STPG4: variants seen among roughly 807,000 people sequenced by gnomAD.
The protein encoded by STPG4 is sperm-tail PG-rich repeat containing 4.
Under a neutral mutation model 31.5 loss-of-function variants are expected in STPG4, and 41 were observed. The ratio of observed to expected loss-of-function variants is 1.30; its 90% CI spans 1.01 to 1.69. The LOEUF is 1.69. STPG4 is among the 40% of genes most tolerant of loss of function. The pLI is 0.00. For synonymous variants in STPG4, 141 were observed against 103.0 expected (o/e 1.37, Z -2.24); for missense variants, 375 against 293.4 (o/e 1.28, Z -2.03).
chr2:47,113,574 C>T (rs1338522997), intron 5 of STPG4, among the ~76,000 whole-genome samples: 1 of 152,068 alleles, frequency 6.6e-6, no homozygotes, highest in Admixed American at 6.6e-5. Flanking sequence ...ATTAAAAGAA[C>T]ATTTTTAAAC....
chr2:47,098,837 T>C (rs925250752), intron 5 of STPG4, among the ~76,000 whole-genome samples: 29 of 151,534 alleles, frequency 1.9e-4, no homozygotes, highest in African/African-American at 6.6e-4. Flanking sequence ...CAGCCACCTC[T>C]CTGGGCACTC....
At chr2:47,131,967 C>T (rs1686492439) in intron 3 of STPG4, among the ~76,000 whole-genome samples, 2 of 152,088 alleles carry the variant, frequency 1.3e-5, no homozygotes, top group Non-Finnish European at 2.9e-5. Flanking sequence ...AAGTTCAAGA[C>T]CAGCCTGACC....
At chr2:47,110,306 A>G (rs1324386323) in intron 5 of STPG4, among the ~76,000 whole-genome samples, 2 of 152,128 alleles carry the variant, frequency 1.3e-5, no homozygotes, top group East Asian at 3.9e-4. Context: ...TAAAAATTAT[A>G]TTTTGGGCTG....
rs531059345 is a variant in STPG4 at position 47,115,282 on chromosome 2, G to A, written c.519+14659C>T. Among the ~76,000 whole-genome samples the A allele has an allele frequency of 2.0e-5, 3 of 152,046 alleles. No individual in the cohort carries two copies. The East Asian group carries it at 5.8e-4, about 29-fold the overall frequency. ...TTTCTCTTTCAGCTTGCTGCACAGT[G>A]GTCAACCTGGGACATTTCCTCACTA... On this transcript the variant is annotated intron_variant, in intron 5 of 6. Coordinates refer to ENST00000445927, the MANE Select transcript of STPG4 (RefSeq NM_001163561.2).
At position 47,119,467 on chromosome 2, in the gene STPG4, T is replaced by C. The variant is rs1407903835; in HGVS notation, c.519+10474A>G. Among the ~76,000 whole-genome samples, 2 of 152,328 alleles carry C rather than the reference T, an allele frequency of 1.3e-5. 1 individual carries two copies. Among genetic ancestry groups the C allele is most frequent in the African/African-American group, 4.8e-5 (2 of 41,582 alleles). ...TCTGCTATTTCACATACCAAGTAGA[T>C]TGTCCTGCCTGAATTATTTTTCAGT... On this transcript the variant is annotated intron_variant, in intron 5 of 6. Transcript: ENST00000445927.
intron 5 of STPG4, among the ~76,000 whole-genome samples, chr2:47,110,987 A>G (rs77920751): frequency 0.026 from 4,032 of 152,318 alleles, 188 homozygotes; most frequent in African/African-American, 0.092. Flanking sequence ...GCCACATTTG[A>G]GCAAATTATC....
At chr2:47,109,112 C>T (rs114518216) in intron 5 of STPG4, among the ~76,000 whole-genome samples, 4 of 152,190 alleles carry the variant, frequency 2.6e-5, no homozygotes, top group Non-Finnish European at 5.9e-5. Flanking sequence ...CTTCTGTTTC[C>T]AGTCAAGAAA....
chr2:47,112,760 T>C (rs949724), intron 5 of STPG4, among the ~76,000 whole-genome samples: 33,452 of 151,938 alleles, frequency 0.22, 3,741 homozygotes, highest in South Asian at 0.28. Context: ...CAAAACACAT[T>C]TCAGAAGAAT....
intron 5 of STPG4, 78 bp from the exon 6 acceptor site, chr2:47,090,452 T>C: frequency 1.1e-6 from 1 of 912,904 alleles, no homozygotes. Flanking sequence ...CTTCTACAAA[T>C]AAACATATGA....
chr2:47,107,349 G>A (rs898866474), intron 5 of STPG4, among the ~76,000 whole-genome samples: 13 of 152,182 alleles, frequency 8.5e-5, no homozygotes, highest in African/African-American at 3.1e-4. Flanking sequence ...GGGTGGGCAT[G>A]GGCTTGGTGG....
At chr2:47,122,466 A>G (rs998679273) in intron 5 of STPG4, among the ~76,000 whole-genome samples, 3 of 152,290 alleles carry the variant, frequency 2.0e-5, no homozygotes, top group Admixed American at 2.0e-4. Context: ...CAAAAGTATC[A>G]AATTTTTTAA....
intron 5 of STPG4, 67 bp downstream of exon 5, chr2:47,129,874 C>T (rs111356928): frequency 3.5e-5 from 56 of 1,589,044 alleles, no homozygotes; most frequent in African/African-American, 3.4e-4. Context: ...CCTTGCTCCA[C>T]TCCAGAAAGC....
At chr2:47,138,259 T>C (rs1405358438) in intron 3 of STPG4, among the ~76,000 whole-genome samples, 2 of 152,258 alleles carry the variant, frequency 1.3e-5, no homozygotes, top group Non-Finnish European at 2.9e-5. Flanking sequence ...TTTAGAAGTG[T>C]GTTGTTTAAT....
At chr2:47,149,957 A>G (rs72877054) in intron 3 of STPG4, among the ~76,000 whole-genome samples, 23,671 of 152,200 alleles carry the variant, frequency 0.16, 2,316 homozygotes, top group African/African-American at 0.27. Flanking sequence ...GGCGAGGGGC[A>G]CATGGTAGAC....
At chr2:47,101,506 T>C (rs1245582099) in intron 5 of STPG4, among the ~76,000 whole-genome samples, 3 of 151,806 alleles carry the variant, frequency 2.0e-5, no homozygotes, top group Non-Finnish European at 2.9e-5. Flanking sequence ...CTCACCTCTC[T>C]TCTCTGAGGT....
chr2:47,153,909 TC>T (rs1686981685), intron 1 of STPG4, among the ~76,000 whole-genome samples: 1 of 152,244 alleles, frequency 6.6e-6, no homozygotes, highest in South Asian at 2.1e-4. Flanking sequence ...TTCCTCAGTT[TC>T]CAAGGAAGCT....
In STPG4 at chr2:47,114,303, G is replaced by C. The variant is rs142067834; in HGVS notation, c.519+15638C>G. On this transcript the variant is annotated intron_variant, in intron 5 of 6. Coordinates refer to ENST00000445927, the MANE Select transcript of STPG4 (RefSeq NM_001163561.2). ...GCAGATCGCTTGAGGCCCGGAGTTC[G>C]AGACCAGCCTGGCCAACATGGTGAA... 7.9e-4 allele frequency among the ~76,000 whole-genome samples: 119 copies of C among 151,376 alleles called. 1 individual carries two copies. Among genetic ancestry groups the C allele is most frequent in the African/African-American group, 2.7e-3 (111 of 41,242 alleles).
chr2:47,096,859 C>T (rs1050433615), intron 5 of STPG4, among the ~76,000 whole-genome samples: 3 of 152,096 alleles, frequency 2.0e-5, no homozygotes, highest in Admixed American at 2.0e-4. Flanking sequence ...GGAACCACCA[C>T]CACCACAGCA....
intron 5 of STPG4, among the ~76,000 whole-genome samples, chr2:47,110,348 C>G (rs748667670): frequency 1.2e-4 from 19 of 152,192 alleles, no homozygotes; most frequent in Admixed American, 2.6e-4. Context: ...AATCCCAGCA[C>G]TTTGGGAGGC....
Sources: allele counts gnomAD v4.1 joint callset (sites outside exome capture counted in the v4.1 genomes callset), GRCh38; gene constraint gnomAD v4.1.1; transcripts MANE v1.5; gene names NCBI Gene and HGNC (gene_info 2026-07-23, HGNC 2026-07-21).